NRXN1: variants seen among roughly 807,000 people sequenced by gnomAD.
NRXN1 encodes neurexin-1.
In NRXN1, 39 loss-of-function variants were observed where a neutral mutation model predicts 150.9. That is an observed-to-expected ratio of 0.26 (90% CI 0.20 to 0.34). The LOEUF is 0.34. NRXN1 is among the 10% of genes least tolerant of loss of function. The pLI is 1.00. For missense variants in NRXN1, 1,815 were observed against 1,949.9 expected, an observed-to-expected ratio of 0.93 and a Z score of 1.30; for synonymous variants, 924 against 757.0, an observed-to-expected ratio of 1.22 and a Z score of -3.62.
intron 21 of NRXN1, among the ~76,000 whole-genome samples, chr2:50,048,041 C>A (rs76712480): frequency 6.6e-6 from 1 of 151,848 alleles, no homozygotes; most frequent in Non-Finnish European, 1.5e-5. Flanking sequence ...AAATGCACCA[C>A]GCAGAACTTA....
chr2:50,953,964 A>G (rs923396358), intron 2 of NRXN1, among the ~76,000 whole-genome samples: 1 of 152,206 alleles, frequency 6.6e-6, no homozygotes, highest in Non-Finnish European at 1.5e-5. Flanking sequence ...ATTGAATAAA[A>G]AACTTTTCAT....
At chr2:50,157,803 A>C (rs1300491652) in intron 18 of NRXN1, among the ~76,000 whole-genome samples, 1 of 152,012 alleles carries the variant, frequency 6.6e-6, no homozygotes, top group African/African-American at 2.4e-5. Context: ...TGGATTTCCA[A>C]GGAAAACACT....
At chr2:50,186,753 A>T (rs920617943) in intron 18 of NRXN1, among the ~76,000 whole-genome samples, 1 of 152,016 alleles carries the variant, frequency 6.6e-6, no homozygotes, top group Admixed American at 6.6e-5. Flanking sequence ...TGAGGGTATA[A>T]TATTCATATA....
At chr2:51,008,936 G>A (rs979346566) in intron 2 of NRXN1, among the ~76,000 whole-genome samples, 1 of 151,598 alleles carries the variant, frequency 6.6e-6, no homozygotes, top group African/African-American at 2.4e-5. Flanking sequence ...GAGACATACA[G>A]TAAATGAAAC....
chr2:50,207,255 T>C (rs2062666754), intron 18 of NRXN1, among the ~76,000 whole-genome samples: 1 of 151,802 alleles, frequency 6.6e-6, no homozygotes, highest in South Asian at 2.1e-4. Flanking sequence ...TGTATGAATT[T>C]ACTAAGAGTA....
At chr2:50,615,199 C>T (rs1678868796) in intron 8 of NRXN1, 1 of 152,106 alleles carries the variant, frequency 6.6e-6, no homozygotes, top group South Asian at 2.1e-4. Flanking sequence ...GCATTTCACT[C>T]ATTTTTTTTC....
chr2:50,299,763 G>C (rs1423567391), intron 17 of NRXN1, among the ~76,000 whole-genome samples: 4 of 152,082 alleles, frequency 2.6e-5, no homozygotes, highest in Non-Finnish European at 4.4e-5. Flanking sequence ...CGCTGATCTT[G>C]GTTCCAGTCC....
intron 5 of NRXN1, among the ~76,000 whole-genome samples, chr2:50,873,114 G>A (rs1344479462): frequency 6.6e-6 from 1 of 151,822 alleles, no homozygotes; most frequent in Non-Finnish European, 1.5e-5. Flanking sequence ...AGTAGCTATT[G>A]GGTCATGAGC....
chr2:50,575,300 T>C (rs572030036), intron 8 of NRXN1, among the ~76,000 whole-genome samples: 6 of 152,330 alleles, frequency 3.9e-5, no homozygotes, highest in Admixed American at 2.0e-4. Flanking sequence ...TTTGTGTGCA[T>C]TGCTGTGCAA....
chr2:50,771,150 C>G (rs1261079451), intron 5 of NRXN1, among the ~76,000 whole-genome samples: 1 of 151,958 alleles, frequency 6.6e-6, no homozygotes, highest in African/African-American at 2.4e-5. Flanking sequence ...AAGAGAGTGC[C>G]TGGAAGGATG....
At chr2:50,589,944 T>C (rs1004870859) in intron 8 of NRXN1, among the ~76,000 whole-genome samples, 1 of 152,196 alleles carries the variant, frequency 6.6e-6, no homozygotes, top group Non-Finnish European at 1.5e-5. Context: ...TTATTCACTA[T>C]TATATCCTTA....
chr2:50,158,889 T>A (rs1337567666), intron 18 of NRXN1, among the ~76,000 whole-genome samples: 1 of 152,158 alleles, frequency 6.6e-6, no homozygotes, highest in East Asian at 1.9e-4. Flanking sequence ...GGAGTCCATA[T>A]AGATAGTGAA....
intron 2 of NRXN1, among the ~76,000 whole-genome samples, chr2:50,982,843 C>G (rs1389886654): frequency 6.6e-6 from 1 of 152,112 alleles, no homozygotes; most frequent in South Asian, 2.1e-4. Context: ...ATGTATTATT[C>G]CCTTTCCATT....
intron 15 of NRXN1, 61 bp from the exon 16 acceptor site, chr2:50,472,532 T>C (rs2089597911): frequency 3.0e-6 from 4 of 1,324,514 alleles, no homozygotes; most frequent in African/African-American, 1.5e-5. Flanking sequence ...AAACACACAG[T>C]AGGATGGAGA....
chr2:50,868,463 T>C (rs1054222358), intron 5 of NRXN1, among the ~76,000 whole-genome samples: 10 of 151,382 alleles, frequency 6.6e-5, no homozygotes, highest in Non-Finnish European at 1.3e-4. Context: ...CAGTGTACAT[T>C]ATTCAGGTGA....
chr2:50,136,577 C>T (rs1706441741), intron 18 of NRXN1, among the ~76,000 whole-genome samples: 1 of 152,166 alleles, frequency 6.6e-6, no homozygotes, highest in Non-Finnish European at 1.5e-5. Context: ...CTATCCTCTC[C>T]TTCCCTAGAA....
chr2:50,582,604 T>C (rs1672457271), intron 8 of NRXN1, among the ~76,000 whole-genome samples: 1 of 148,412 alleles, frequency 6.7e-6, no homozygotes, highest in Non-Finnish European at 1.5e-5. Context: ...CTAGCAAAAC[T>C]AGCACATAAA....
chr2:50,815,658 G>A (rs747422064), intron 5 of NRXN1, among the ~76,000 whole-genome samples: 7 of 151,972 alleles, frequency 4.6e-5, no homozygotes, highest in Admixed American at 1.3e-4. Flanking sequence ...AAGTGGTCAG[G>A]ACTATTTAAA....
At chr2:50,364,992 C>T (rs2079487133) in intron 17 of NRXN1, among the ~76,000 whole-genome samples, 2 of 152,014 alleles carry the variant, frequency 1.3e-5, no homozygotes, top group South Asian at 2.1e-4. Context: ...AAAAACCAAA[C>T]TTCCTTTATG....
Sources: allele counts gnomAD v4.1 joint callset (sites outside exome capture counted in the v4.1 genomes callset), GRCh38; gene constraint gnomAD v4.1.1; transcripts MANE v1.5; gene names NCBI Gene and HGNC (gene_info 2026-07-23, HGNC 2026-07-21).